The following KLK14 variants were observed in gnomAD, a reference collection of about 807,000 sequenced individuals.
The protein encoded by KLK14 is kallikrein-14.
KLK14 carries 21 observed loss-of-function variants against 24.6 expected under a neutral mutation model. The ratio of observed to expected loss-of-function variants is 0.85; its 90% confidence interval spans 0.61 to 1.23. KLK14 has a LOEUF of 1.23. Among genes scored for constraint, KLK14 ranks in the 50% most tolerant of loss-of-function variants. The probability of loss-of-function intolerance (pLI) is 0.00; values close to 1 mark genes in which losing one functional copy is unlikely to be tolerated. For synonymous variants in KLK14, 133 were observed against 139.7 expected, an observed-to-expected ratio of 0.95 and a Z score of 0.34; for missense variants, 320 against 338.9, an observed-to-expected ratio of 0.94 and a Z score of 0.44.
At chr19:51,082,675 T>C in intron 1 of KLK14, 39 bp from the exon 2 acceptor site, 1 of 1,613,984 alleles carries the variant, frequency 6.2e-7, no homozygotes. Flanking sequence ...GAAGGAACCT[T>C]CAACAGAACC....
Position 51,078,543 on chromosome 19 carries a change from G to C in KLK14, c.603+272C>G, listed in dbSNP as rs58682289. ...CCCATATGAGCAGAGGCCACTCTGCGATCTTTCCCCAACCTGCCTCATCCC... is the reference window on the plus strand; with the variant it reads ...CCCATATGAGCAGAGGCCACTCTGCCATCTTTCCCCAACCTGCCTCATCCC... On this transcript the variant is annotated intron_variant, in intron 5 of 5. Coordinates refer to ENST00000650543, the MANE Select transcript of KLK14 (RefSeq NM_001369775.2). This position sits in a 1 kb window ranked among gnomAD's most constrained non-coding sequence, Gnocchi z 5.0. 6.6e-6 allele frequency among the ~76,000 whole-genome samples: 1 copy of C among 152,050 alleles called. No individual in the cohort carries two copies. Among genetic ancestry groups the C allele is most frequent in the African/African-American group, 2.4e-5 (1 of 41,342 alleles).
chr19:51,078,067 ACCGGGGT>A lies in KLK14; in HGVS notation c.689_695del (p.Tyr230LeufsTer?), dbSNP rs779355615. 4 of 1,611,814 alleles carry A rather than the reference ACCGGGGT, an allele frequency of 2.5e-6. No homozygotes were observed. The highest frequency in any genetic ancestry group is 3.4e-6 in the Non-Finnish European group (4 of 1,179,040). ...TGTACTTGCACAGGTTGGTGTAGACACCGGGGTAGCCAGGCAGGGCGCAGCGCTCCAT... is the reference window on the plus strand; with the variant it reads ...TGTACTTGCACAGGTTGGTGTAGACAAGCCAGGCAGGGCGCAGCGCTCCAT... On this transcript the variant is annotated frameshift_variant, in exon 6 of 6. Coordinates refer to ENST00000650543, the MANE Select transcript of KLK14 (RefSeq NM_001369775.2). LOFTEE classifies it low-confidence loss of function (END_TRUNC). This position sits in a 1 kb window ranked among gnomAD's most constrained non-coding sequence, Gnocchi z 5.0.
intron 3 of KLK14, among the ~76,000 whole-genome samples, chr19:51,080,309 G>A (rs1320365088): frequency 6.6e-6 from 1 of 152,126 alleles, no homozygotes; most frequent in African/African-American, 2.4e-5. Context: ...CAAAGTGCTG[G>A]GATTACAGGC....
rs746854459 is a variant in KLK14, at chr19:51,078,142, G to C, written c.621C>G (p.Pro207=). Reference sequence around the variant, plus strand: ...CCTGGAGCTGTCCTCTGCACACCAGGGGTCCCCCAGAGTCACCCTGAGGGG... The same window carrying C: ...CCTGGAGCTGTCCTCTGCACACCAGCGGTCCCCCAGAGTCACCCTGAGGGG... ...KDSCQGDSGG[P]LVCRGQLQGL... Residue 207 remains proline, a synonymous_variant, in exon 6 of 6, where the codon CCC becomes CCG. Transcript: ENST00000650543. This position sits in a 1 kb window ranked among gnomAD's most constrained non-coding sequence, Gnocchi z 5.0. 30 of 1,613,590 alleles carry C rather than the reference G, an allele frequency of 1.9e-5. No individual in the cohort carries two copies. Among genetic ancestry groups the C allele is most frequent in the Non-Finnish European group, 2.5e-5 (29 of 1,179,836 alleles).
chr19:51,082,810 C>G lies in KLK14; in HGVS notation c.-111G>C. The G allele has an allele frequency of 3.2e-6, 5 of 1,584,632 alleles. No individual in the cohort carries two copies. The highest frequency in any genetic ancestry group is 4.3e-6 in the Non-Finnish European group (5 of 1,163,798). On this transcript the variant is annotated 5_prime_UTR_variant, in exon 1 of 6. Coordinates refer to ENST00000650543, the MANE Select transcript of KLK14 (RefSeq NM_001369775.2). ...GGGCGGGGCCTGCAGGCTCTGCGGG[C>G]GGCAGGTGGGAGGATGTGGAGCAGG...
chr19:51,081,415 A>G, intron 3 of KLK14, 117 bp downstream of exon 3: 3 of 997,686 alleles, frequency 3.0e-6, no homozygotes, highest in Non-Finnish European at 1.3e-6. Flanking sequence ...CTAGACCTCA[A>G]ACCAGGAGCC....
At chr19:51,079,205 C>G (rs2091823084) in intron 4 of KLK14, among the ~76,000 whole-genome samples, 1 of 150,936 alleles carries the variant, frequency 6.6e-6, no homozygotes. Context: ...CCCAGCCCCT[C>G]CTCCTTGAGA....
upstream of KLK14, among the ~76,000 whole-genome samples, chr19:51,083,295 GA>G: frequency 6.6e-6 from 1 of 150,702 alleles, no homozygotes; most frequent in African/African-American, 2.5e-5. Context: ...GGGAGAGAGA[GA>G]GAGAGAGAGA....
At position 51,078,155 on chromosome 19, in the gene KLK14, T is replaced by C. The variant is rs201296079; in HGVS notation, c.608A>G (p.Asp203Gly). 5,663 of 1,613,156 alleles carry C rather than the reference T, an allele frequency of 3.5e-3. 43 individuals are homozygous for C. Among genetic ancestry groups the C allele is most frequent in the South Asian group, 0.022 (2,048 of 91,040 alleles). The change falls in exon 6 of 6, where the codon GAC becomes GGC. Residue 203 changes from aspartate to glycine, a missense_variant. Asp to Gly is a moderately conservative substitution (Grantham distance 94, BLOSUM62 -1). Transcript: ENST00000650543. The surrounding 1 kb of genome is among the most constrained non-coding windows in gnomAD (Gnocchi z 5.0). ...TCTGCACACCAGGGGTCCCCCAGAG[T>C]CACCCTGAGGGGGAGGAACAGAAAT... is the stretch of plus-strand genomic sequence containing the variant. ...PQGGKDSCQG[D>G]SGGPLVCRGQ...
upstream of KLK14, chr19:51,084,173 GC>G (rs2091856868): frequency 6.6e-6 from 1 of 152,660 alleles, no homozygotes; most frequent in Non-Finnish European, 1.5e-5. Flanking sequence ...AGATGGGGGA[GC>G]AGAGGCCCCA....
upstream of KLK14, among the ~76,000 whole-genome samples, chr19:51,083,701 G>C (rs73051038): frequency 0.045 from 6,773 of 152,028 alleles, 219 homozygotes; most frequent in Middle Eastern, 0.11. Flanking sequence ...GGGAGACACA[G>C]AGACGCAGGG....
At chr19:51,081,749 T>G (rs1962566421) in intron 2 of KLK14, 46 bp from the exon 3 acceptor site, 1 of 1,436,022 alleles carries the variant, frequency 7.0e-7, no homozygotes, top group African/African-American at 1.5e-5. Context: ...GAGCAAACAC[T>G]CTCCACTCCA....
chr19:51,080,966 C>T (rs1423088872), intron 3 of KLK14, among the ~76,000 whole-genome samples: 3 of 152,266 alleles, frequency 2.0e-5, no homozygotes, highest in African/African-American at 7.2e-5. Flanking sequence ...AGCCACCGCA[C>T]CCGCCACATT....
chr19:51,083,043 A>G (rs1008479736), upstream of KLK14, among the ~76,000 whole-genome samples: 4 of 151,454 alleles, frequency 2.6e-5, no homozygotes, highest in Non-Finnish European at 5.9e-5. Context: ...CTGTCTGGCC[A>G]AAAAAGCAGC....
intron 3 of KLK14, among the ~76,000 whole-genome samples, 188 bp from the exon 4 acceptor site, chr19:51,079,890 GC>G (rs1238386647): frequency 6.6e-6 from 1 of 152,186 alleles, no homozygotes; most frequent in Admixed American, 6.5e-5. Context: ...TCTCGGCCCA[GC>G]CCCAGCTGCC....
rs374701431 is a variant in KLK14 at position 51,079,554 on chromosome 19, C to A, written c.361G>T (p.Ala121Ser). 3.0e-5 allele frequency: 48 copies of A among 1,613,792 alleles called. No homozygotes were observed. The highest frequency in any genetic ancestry group is 3.9e-5 in the Non-Finnish European group (46 of 1,180,000). ...GGCCTGACTGCCCTCCCGATCCGTG[C>A]GGGCTGCTGTAGCTGCAGCAGCATG... ...DLMLLQLQQP[A>S]RIGRAVRPIE... The change falls in exon 4 of 6, where the codon GCA becomes TCA. Residue 121 changes from alanine (A) to serine (S), a missense_variant. Coordinates refer to ENST00000650543, the MANE Select transcript of KLK14 (RefSeq NM_001369775.2).
Position 51,079,642 on chromosome 19 carries a change from C to G in KLK14, c.273G>C (p.Val91=). The G allele has an allele frequency of 1.9e-6, 3 of 1,603,884 alleles. No individual in the cohort carries two copies. The highest frequency in any genetic ancestry group is 2.6e-6 in the Non-Finnish European group (3 of 1,175,074). The part of the protein sequence containing the change: ...NLRRWEATQQ[V]LRVVRQVTHP... ...GCGTCACCTGACGAACCACGCGCAGCACCTGCTGGGTGGCCTCCCACCTCC... is the reference window on the plus strand; with the variant it reads ...GCGTCACCTGACGAACCACGCGCAGGACCTGCTGGGTGGCCTCCCACCTCC... The change falls in exon 4 of 6, where the codon GTG becomes GTC. Residue 91 remains valine, a synonymous_variant. Transcript: ENST00000650543.
At position 51,082,639 on chromosome 19, in the gene KLK14, G is replaced by A. The variant is rs897184621; in HGVS notation, c.-22-3C>T. ...TTTTAGGGGCTGAGGGCCAGGTCCT[G>A]TCAAATGCAGAGAAAAAGTGAGAGA... On this transcript the variant is annotated splice_region_variant and splice_polypyrimidine_tract_variant and intron_variant, in intron 1 of 5. Transcript: ENST00000650543. 6.2e-7 allele frequency: 1 copy of A among 1,614,198 alleles called. No individual in the cohort carries two copies. The highest frequency in any genetic ancestry group is 8.5e-7 in the Non-Finnish European group (1 of 1,180,028).
chr19:51,083,148 C>T (rs1429993285), upstream of KLK14, among the ~76,000 whole-genome samples: 3 of 151,526 alleles, frequency 2.0e-5, no homozygotes, highest in African/African-American at 7.3e-5. Flanking sequence ...GGGGAGGGTT[C>T]CCAGTTGCTG....
Sources: allele counts gnomAD v4.1 joint callset (sites outside exome capture counted in the v4.1 genomes callset), GRCh38; gene constraint gnomAD v4.1.1; non-coding constraint Gnocchi (gnomAD v3.1); transcripts MANE v1.5; gene names NCBI Gene and HGNC (gene_info 2026-07-23, HGNC 2026-07-21).